Variants in NXN observed in about 807,000 individuals in gnomAD.
The protein encoded by NXN is nucleoredoxin 1.
A neutral mutation model predicts 48.6 loss-of-function variants in NXN; 16 were observed. The observed-to-expected ratio is 0.33, with a 90% CI of 0.22 to 0.50. The LOEUF (loss-of-function observed/expected upper bound fraction) is 0.50, where lower values mean the gene tolerates loss of function less well. NXN is among the 20% of genes least tolerant of loss of function. The pLI is 0.98. For synonymous variants in NXN, 281 were observed against 269.6 expected, an observed-to-expected ratio of 1.04 and a Z score of -0.41; for missense variants, 492 against 605.5, an observed-to-expected ratio of 0.81 and a Z score of 1.97.
At chr17:895,795 GTTT>G (rs539177204) in intron 1 of NXN, among the ~76,000 whole-genome samples, 89,230 of 119,096 alleles carry the variant, frequency 0.75, 30,181 homozygotes, top group African/African-American at 0.9. Context: ...TCCAGCCTGG[GTTT>G]TGTTTGTCTC....
intron 1 of NXN, among the ~76,000 whole-genome samples, chr17:886,256 A>G (rs1278604095): frequency 6.6e-6 from 1 of 152,066 alleles, no homozygotes; most frequent in Non-Finnish European, 1.5e-5. Flanking sequence ...AATCTCTCCA[A>G]CATTATTCTT....
rs1209534449 is a variant in NXN, at chr17:800,510, C to T, written c.*439G>A. 1 of 154,318 alleles carries T rather than the reference C, an allele frequency of 6.5e-6. No individual in the cohort carries two copies. The highest frequency in any genetic ancestry group is 2.4e-5 in the African/African-American group (1 of 41,556). The allele number at this position is 154,318 out of a possible 1,614,324, so 9.6% of individuals were successfully genotyped here. ...CCTCACCCGCAGCTCTAAGCGGAGG[C>T]CCTTTCTCAGCTCAGCCTCCACGCA... On this transcript the variant is annotated 3_prime_UTR_variant, in exon 8 of 8. Transcript: ENST00000336868.
chr17:849,289 T>C lies in NXN; in HGVS notation c.361-23211A>G, dbSNP rs947627075. Among the ~76,000 whole-genome samples the C allele has an allele frequency of 2.6e-5, 4 of 152,054 alleles. No individual in the cohort carries two copies. Among genetic ancestry groups the C allele is most frequent in the African/African-American group, 7.2e-5 (3 of 41,398 alleles). ...GGCTCACGCCTGTAATCCCAGCACT[T>C]TGGGAGGCCGAGACAGGTGGGTCAC... On this transcript the variant is annotated intron_variant, in intron 1 of 7. Coordinates refer to ENST00000336868, the MANE Select transcript of NXN (RefSeq NM_022463.5). The surrounding 1 kb of genome is among the most constrained non-coding windows in gnomAD (Gnocchi z 4.2).
At chr17:947,376 T>A (rs1354366526) in intron 1 of NXN, among the ~76,000 whole-genome samples, 1 of 152,090 alleles carries the variant, frequency 6.6e-6, no homozygotes, top group African/African-American at 2.4e-5. Flanking sequence ...TTTACACAGT[T>A]ATGGACAATG....
intron 1 of NXN, among the ~76,000 whole-genome samples, chr17:913,490 G>A (rs775063349): frequency 1.4e-4 from 22 of 152,184 alleles, no homozygotes; most frequent in Admixed American, 7.2e-4. Context: ...TCCTCAACAC[G>A]ACAGACAGAG....
intron 1 of NXN, 63 bp from the exon 2 acceptor site, chr17:826,141 T>C: frequency 9.2e-7 from 1 of 1,086,874 alleles, no homozygotes; most frequent in Non-Finnish European, 1.4e-6. Context: ...AGAGTTCTTT[T>C]GAGCCCCTTA....
chr17:873,586 T>C (rs1597682976), intron 1 of NXN, among the ~76,000 whole-genome samples: 1 of 151,540 alleles, frequency 6.6e-6, no homozygotes. Flanking sequence ...ATATACAACG[T>C]GAATATCAAC....
chr17:861,945 T>C (rs1047523751), intron 1 of NXN, among the ~76,000 whole-genome samples: 2 of 152,070 alleles, frequency 1.3e-5, no homozygotes, highest in East Asian at 1.9e-4. Flanking sequence ...TCCTCTCACC[T>C]CAGCCTCCCA....
intron 1 of NXN, among the ~76,000 whole-genome samples, chr17:860,233 C>T (rs2068027741): frequency 6.6e-6 from 1 of 152,254 alleles, no homozygotes; most frequent in Non-Finnish European, 1.5e-5. Flanking sequence ...AAGTGATTCT[C>T]CTGCCTCAGC....
chr17:864,914 T>C (rs2068080797), intron 1 of NXN, among the ~76,000 whole-genome samples: 1 of 152,134 alleles, frequency 6.6e-6, no homozygotes, highest in Non-Finnish European at 1.5e-5. Flanking sequence ...GATGAAAAGA[T>C]AAAGAATCCA....
chr17:939,783 A>C (rs2068950032), intron 1 of NXN, among the ~76,000 whole-genome samples: 1 of 152,234 alleles, frequency 6.6e-6, no homozygotes, highest in African/African-American at 2.4e-5. Context: ...CCATGCTTCT[A>C]GCTAGGGGGT....
chr17:894,731 G>A (rs2068457510), intron 1 of NXN, among the ~76,000 whole-genome samples: 1 of 152,246 alleles, frequency 6.6e-6, no homozygotes, highest in Non-Finnish European at 1.5e-5. Flanking sequence ...TGCCACTGGT[G>A]TCCGCAGGGA....
At chr17:826,931 G>A (rs964394285) in intron 1 of NXN, among the ~76,000 whole-genome samples, 9 of 152,388 alleles carry the variant, frequency 5.9e-5, no homozygotes, top group Middle Eastern at 3.4e-3. Context: ...GAAGCCAAGC[G>A]TGGGCGGCCT....
At chr17:895,614 C>G (rs1310740861) in intron 1 of NXN, among the ~76,000 whole-genome samples, 1 of 149,094 alleles carries the variant, frequency 6.7e-6, no homozygotes, top group Non-Finnish European at 1.5e-5. Context: ...AGATCAAGAC[C>G]ATCCTGGCTA....
intron 1 of NXN, among the ~76,000 whole-genome samples, chr17:976,481 T>A (rs986314669): frequency 2.0e-5 from 3 of 152,278 alleles, no homozygotes; most frequent in East Asian, 3.9e-4. Context: ...TTAAAAAAAA[T>A]TAGCAATCTG....
chr17:893,462 A>C (rs1423815510), intron 1 of NXN, among the ~76,000 whole-genome samples: 1 of 152,248 alleles, frequency 6.6e-6, no homozygotes, highest in Non-Finnish European at 1.5e-5. Context: ...AATTATCTCC[A>C]TCGCTCAGTA....
chr17:947,973 C>T (rs917173377), intron 1 of NXN, among the ~76,000 whole-genome samples: 3 of 151,498 alleles, frequency 2.0e-5, no homozygotes, highest in Non-Finnish European at 2.9e-5. Flanking sequence ...ATTGCTTAAA[C>T]CCGGGAGGCG....
At chr17:868,648 C>T (rs532165906) in intron 1 of NXN, among the ~76,000 whole-genome samples, 28 of 152,250 alleles carry the variant, frequency 1.8e-4, no homozygotes, top group African/African-American at 3.9e-4. Flanking sequence ...CCCACCACCA[C>T]GCCCGGATCA....
intron 1 of NXN, among the ~76,000 whole-genome samples, chr17:927,286 GAA>G (rs1394821271): frequency 7.1e-6 from 1 of 141,038 alleles, no homozygotes; most frequent in East Asian, 2.2e-4. Flanking sequence ...CAAAAAAAAA[GAA>G]AAAAGAAAAG....
Sources: allele counts gnomAD v4.1 joint callset (sites outside exome capture counted in the v4.1 genomes callset), GRCh38; gene constraint gnomAD v4.1.1; non-coding constraint Gnocchi (gnomAD v3.1); transcripts MANE v1.5; gene names NCBI Gene and HGNC (gene_info 2026-07-23, HGNC 2026-07-21).